PCDHA3: variants seen among roughly 807,000 people sequenced by gnomAD.
PCDHA3 encodes the protein protocadherin alpha-3.
In PCDHA3, 41 loss-of-function variants were observed where a neutral mutation model predicts 62.2. That is an observed-to-expected ratio of 0.66 (90% CI 0.51 to 0.86). The LOEUF (loss-of-function observed/expected upper bound fraction) is 0.86. PCDHA3 is among the 40% of genes least tolerant of loss of function. PCDHA3 has a pLI of 0.00. For synonymous variants in PCDHA3, 640 were observed against 555.4 expected (o/e 1.15, Z -2.14); for missense variants, 1,304 against 1,241.2 (o/e 1.05, Z -0.76).
intron 1 of PCDHA3, chr5:140,877,626 C>T: frequency 6.2e-7 from 1 of 1,613,828 alleles, no homozygotes; most frequent in African/African-American, 1.3e-5. Context: ...TGCTGCTGTA[C>T]ACTGCGCTGC....
At chr5:140,958,400 A>G (rs1236102640) in intron 1 of PCDHA3, among the ~76,000 whole-genome samples, 1 of 152,196 alleles carries the variant, frequency 6.6e-6, no homozygotes, top group African/African-American at 2.4e-5. Context: ...ATCAAACATT[A>G]TCACTGATGC....
At position 141,011,460 on chromosome 5, in the gene PCDHA3, T is replaced by G. The variant is rs1285322141; in HGVS notation, c.*1523T>G. 6.5e-6 allele frequency: 1 copy of G among 153,832 alleles called. No homozygotes were observed. The highest frequency in any genetic ancestry group is 2.4e-5 in the African/African-American group (1 of 41,470). 9.5% of individuals were successfully genotyped at this position (153,832 alleles called of 1,614,324 possible). On this transcript the variant is annotated 3_prime_UTR_variant, in exon 4 of 4. Coordinates refer to ENST00000522353, the MANE Select transcript of PCDHA3 (RefSeq NM_018906.3). The stretch of plus-strand genomic sequence containing the variant: ...TAGAGTGAACTTTAAGCTTTATTGT[T>G]GAATGTAATTCCATTATATTTCCTT...
intron 1 of PCDHA3, chr5:140,875,488 C>G: frequency 3.7e-6 from 6 of 1,612,568 alleles, no homozygotes; most frequent in Non-Finnish European, 5.1e-6. Flanking sequence ...GATTATCGGA[C>G]CAAGAGGCCC....
intron 3 of PCDHA3, among the ~76,000 whole-genome samples, chr5:140,990,912 A>G (rs1415853627): frequency 1.3e-5 from 2 of 152,148 alleles, no homozygotes; most frequent in African/African-American, 4.8e-5. Context: ...CAAGTTTTAT[A>G]AGTCTTTAAA....
In PCDHA3 at chr5:140,856,541, G is replaced by A. The variant is rs1554148841; in HGVS notation, c.2394+52950G>A. The A allele has an allele frequency of 2.5e-6, 4 of 1,598,164 alleles. 1 individual carries two copies. The highest frequency in any genetic ancestry group is 3.4e-6 in the Non-Finnish European group (4 of 1,167,670). On this transcript the variant is annotated intron_variant, in intron 1 of 3. Transcript: ENST00000522353. ...ATCTGATGCGGATGTTGGAGAGAACGCATTGCTTACTTACAAACTCAGTCC... is the reference window on the plus strand; with the variant it reads ...ATCTGATGCGGATGTTGGAGAGAACACATTGCTTACTTACAAACTCAGTCC...
intron 1 of PCDHA3, chr5:140,836,148 C>A: frequency 6.2e-7 from 1 of 1,613,764 alleles, no homozygotes; most frequent in Non-Finnish European, 8.5e-7. Flanking sequence ...GGGCGCGGGC[C>A]ATGTGGTGGC....
At chr5:140,978,455 G>A (rs782473387) in intron 1 of PCDHA3, among the ~76,000 whole-genome samples, 21 of 152,302 alleles carry the variant, frequency 1.4e-4, no homozygotes, top group Non-Finnish European at 2.8e-4. Context: ...GGGCACATCC[G>A]CCCTGGGTCA....
Position 140,848,347 on chromosome 5 carries a change from C to T in PCDHA3, c.2394+44756C>T. On this transcript the variant is annotated intron_variant, in intron 1 of 3. Coordinates refer to ENST00000522353, the MANE Select transcript of PCDHA3 (RefSeq NM_018906.3). ...CTCTCTGAATCCAGACAAATACAGC[C>T]CTTTTCCCATGGGAAAGAGGCTCAA... The T allele has an allele frequency of 5.3e-6, 5 of 935,472 alleles. 1 individual carries two copies. The highest frequency in any genetic ancestry group is 8.2e-6 in the Non-Finnish European group (5 of 611,314). 57.9% of individuals were successfully genotyped at this position (935,472 alleles called of 1,614,324 possible). A position where few individuals can be genotyped will look rare whatever the true frequency, so the allele number is the denominator to read the frequency against.
chr5:140,824,449 A>C (rs1768125050), intron 1 of PCDHA3: 2 of 452,608 alleles, frequency 4.4e-6, no homozygotes, highest in Non-Finnish European at 3.9e-6. Flanking sequence ...TTATGACTAC[A>C]TGAAAATTTA....
chr5:140,832,681 A>C (rs1347638323), intron 1 of PCDHA3, among the ~76,000 whole-genome samples: 2 of 152,234 alleles, frequency 1.3e-5, no homozygotes, highest in Non-Finnish European at 1.5e-5. Flanking sequence ...GAATCATCGA[A>C]TTAACAAGAC....
At chr5:140,892,891 C>T (rs563104545) in intron 1 of PCDHA3, among the ~76,000 whole-genome samples, 1 of 152,264 alleles carries the variant, frequency 6.6e-6, no homozygotes, top group South Asian at 2.1e-4. Context: ...ATTAACCAAC[C>T]TTTCCCCATC....
Position 140,870,311 on chromosome 5 carries a change from A to C in PCDHA3, c.2394+66720A>C, listed in dbSNP as rs143855054. The C allele has an allele frequency of 1.9e-6, 3 of 1,614,154 alleles. No homozygotes were observed. In the African/African-American group the frequency reaches 4.0e-5, roughly 22 times the overall value. On this transcript the variant is annotated intron_variant, in intron 1 of 3. Transcript: ENST00000522353. ...AAGCTGGTGTCCACCTTCAAGAATT[A>C]CTACTCGTTGGTGCTGGACAGCGCC...
chr5:140,814,657 C>T (rs2126657567), intron 1 of PCDHA3: 3 of 151,744 alleles, frequency 2.0e-5, no homozygotes, highest in Non-Finnish European at 1.5e-5. Flanking sequence ...CCAACATCAC[C>T]ACAAACATGT....
At position 140,949,239 on chromosome 5, in the gene PCDHA3, C is replaced by T. The variant is rs563720988; in HGVS notation, c.2395-29710C>T. 4.0e-5 allele frequency among the ~76,000 whole-genome samples: 6 copies of T among 151,886 alleles called. No individual in the cohort carries two copies. The East Asian group carries it at 1.2e-3, about 29-fold the overall frequency. On this transcript the variant is annotated intron_variant, in intron 1 of 3. Transcript: ENST00000522353. ...TTAGACTTGTTCTGTGGCCCAGCAA[C>T]AGTCTATCTTGATGAACATATCACG...
chr5:140,803,504 C>T lies in PCDHA3; in HGVS notation c.2307C>T (p.Leu769=), dbSNP rs201201783. 429 of 1,614,252 alleles carry T rather than the reference C, an allele frequency of 2.7e-4. 3 individuals are homozygous for T. The highest frequency in any genetic ancestry group is 2.0e-3 in the South Asian group (184 of 91,084). Residue 769 remains leucine (L), a synonymous_variant, in exon 1 of 4, where the codon CTC becomes CTT. Transcript: ENST00000522353. ...GAGAGGGGTTGCCCAAGACCGACCT[C>T]ATGGCTTTTAGCCCTAGCCTTCCTC... is the stretch of plus-strand genomic sequence containing the variant. ...CSGEGLPKTD[L]MAFSPSLPPC... is the part of the protein sequence containing the mutation.
chr5:140,883,557 G>C, intron 1 of PCDHA3: 1 of 1,614,214 alleles, frequency 6.2e-7, no homozygotes, highest in Non-Finnish European at 8.5e-7. Flanking sequence ...GCGCGGGACG[G>C]GGGCTCGCCT....
At chr5:141,007,258 A>G (rs1160413471) in intron 3 of PCDHA3, among the ~76,000 whole-genome samples, 1 of 152,110 alleles carries the variant, frequency 6.6e-6, no homozygotes, top group Non-Finnish European at 1.5e-5. Flanking sequence ...AGTTAAAAGA[A>G]GCAGATACAG....
chr5:140,876,051 A>G, intron 1 of PCDHA3: 2 of 1,613,956 alleles, frequency 1.2e-6, no homozygotes, highest in African/African-American at 2.7e-5. Flanking sequence ...TATTGCCTGA[A>G]TTAGTTCTTC....
chr5:140,801,516 G>A lies in PCDHA3; in HGVS notation c.319G>A (p.Glu107Lys). Residue 107 changes from glutamate (E) to lysine (K), a missense_variant, in exon 1 of 4, where the codon GAG (glutamate) becomes AAG (lysine). Coordinates refer to ENST00000522353, the MANE Select transcript of PCDHA3 (RefSeq NM_018906.3). ...GRSAECSIHL[E>K]VIVDRPLQVF... ...GAGCGCGGAGTGCAGCATCCACCTG[G>A]AGGTGATCGTGGACAGGCCGCTGCA... The A allele has an allele frequency of 6.2e-7, 1 of 1,614,228 alleles. No homozygotes were observed.
Sources: gnomAD v4.1 joint callset for allele counts (sites outside exome capture counted in the v4.1 genomes callset) on GRCh38, gnomAD v4.1.1 for gene constraint, MANE v1.5 for transcripts, NCBI Gene and HGNC (gene_info 2026-07-23, HGNC 2026-07-21) for gene names.